EPHA5: variants seen among roughly 807,000 people sequenced by gnomAD.
The protein encoded by EPHA5 is ephrin type-A receptor 5.
EPHA5 carries 60 observed loss-of-function variants against 105.0 expected under a neutral mutation model. That is an observed-to-expected ratio of 0.57 (90% CI 0.46 to 0.71). EPHA5 has a LOEUF of 0.71. Among genes scored for constraint, EPHA5 ranks in the 30% least tolerant of loss-of-function variants. The pLI is 0.00. For missense variants in EPHA5, 1,218 were observed against 1,274.7 expected (o/e 0.96, Z 0.68); for synonymous variants, 513 against 449.1 (o/e 1.14, Z -1.80).
rs770690309 is a variant in EPHA5 at position 65,536,749 on chromosome 4, TA to T, written c.911-41207del. On this transcript the variant is annotated intron_variant, in intron 3 of 16. Coordinates refer to ENST00000613740, the MANE Select transcript of EPHA5 (RefSeq NM_001281766.3). Reference sequence around the variant, plus strand: ...TTTGAGTAAAAATAAATCTAAAATATAAAAAAAAAAAAATTCACTGTTCCTA... The same window carrying T: ...TTTGAGTAAAAATAAATCTAAAATATAAAAAAAAAAAATTCACTGTTCCTA... Among the ~76,000 whole-genome samples, 198 of 138,916 alleles carry T rather than the reference TA, an allele frequency of 1.4e-3. 1 individual carries two copies. Among genetic ancestry groups the T allele is most frequent in the East Asian group, 3.1e-3 (15 of 4,800 alleles). 91.1% of individuals were successfully genotyped at this position (138,916 alleles called of 152,430 possible). A position where few individuals can be genotyped will look rare whatever the true frequency, so the allele number is the denominator to read the frequency against.
At chr4:65,555,294 G>A (rs1738317435) in intron 3 of EPHA5, among the ~76,000 whole-genome samples, 1 of 151,928 alleles carries the variant, frequency 6.6e-6, no homozygotes, top group African/African-American at 2.4e-5. Context: ...CCCGAGGGCT[G>A]TATTTGGACA....
At chr4:65,578,020 A>G (rs1320369008) in intron 3 of EPHA5, among the ~76,000 whole-genome samples, 1 of 152,222 alleles carries the variant, frequency 6.6e-6, no homozygotes, top group Non-Finnish European at 1.5e-5. Context: ...AGTGAATACA[A>G]GTTAATTATA....
intron 5 of EPHA5, among the ~76,000 whole-genome samples, chr4:65,435,583 T>C (rs1725398771): frequency 1.3e-5 from 2 of 152,028 alleles, no homozygotes; most frequent in South Asian, 4.1e-4. Flanking sequence ...ACAAAGCACT[T>C]GTCTAGATGT....
intron 5 of EPHA5, among the ~76,000 whole-genome samples, chr4:65,477,952 T>A (rs4637457): frequency 1.1e-4 from 17 of 151,988 alleles, no homozygotes; most frequent in Non-Finnish European, 2.2e-4. Flanking sequence ...GGCAAGACTC[T>A]AAAGTCATTG....
intron 8 of EPHA5, among the ~76,000 whole-genome samples, chr4:65,386,567 A>G (rs1329304876): frequency 6.6e-6 from 1 of 152,008 alleles, no homozygotes. Context: ...CTTTCTCTCA[A>G]ACAATAACAG....
intron 8 of EPHA5, among the ~76,000 whole-genome samples, chr4:65,379,275 A>C (rs1333166681): frequency 2.9e-5 from 3 of 104,814 alleles, no homozygotes; most frequent in Non-Finnish European, 6.5e-5. Context: ...AAGTATGCAC[A>C]TACACACACA....
intron 11 of EPHA5, among the ~76,000 whole-genome samples, chr4:65,358,051 T>A (rs1020709740): frequency 1.3e-5 from 2 of 151,438 alleles, no homozygotes; most frequent in African/African-American, 4.8e-5. Flanking sequence ...AGCATAGACA[T>A]GGCCTGGGAA....
intron 7 of EPHA5, among the ~76,000 whole-genome samples, chr4:65,410,504 C>T (rs766847668): frequency 3.3e-5 from 5 of 152,028 alleles, no homozygotes; most frequent in Non-Finnish European, 7.4e-5. Flanking sequence ...GACTTGAGGT[C>T]GGTGGTAGAT....
At position 65,330,449 on chromosome 4, in the gene EPHA5, C is replaced by T. The variant is rs1003295585; in HGVS notation, c.2945+1524G>A. The T allele has an allele frequency of 5.8e-5, 12 of 206,984 alleles. 1 individual carries two copies. The South Asian group carries it at 1.7e-3, about 30-fold the overall frequency. The allele number at this position is 206,984 out of a possible 1,614,324, so 12.8% of individuals were successfully genotyped here. On this transcript the variant is annotated intron_variant, in intron 16 of 16. Transcript: ENST00000613740. ...ATAAGTAAAACACAAGTAGCTAATG[C>T]AAAAACTATAATTTGTAATTATAAC...
intron 3 of EPHA5, among the ~76,000 whole-genome samples, chr4:65,589,172 G>T (rs761872421): frequency 6.6e-6 from 1 of 151,978 alleles, no homozygotes; most frequent in Non-Finnish European, 1.5e-5. Flanking sequence ...CTCAGGGCCT[G>T]GTAATAAAGT....
At chr4:65,411,525 T>C (rs1033357190) in intron 7 of EPHA5, among the ~76,000 whole-genome samples, 3 of 152,174 alleles carry the variant, frequency 2.0e-5, no homozygotes, top group South Asian at 4.1e-4. Flanking sequence ...TATTCTTACA[T>C]ACCTGACTGA....
At chr4:65,407,792 G>A (rs1018924859) in intron 7 of EPHA5, among the ~76,000 whole-genome samples, 10 of 151,630 alleles carry the variant, frequency 6.6e-5, no homozygotes, top group African/African-American at 1.7e-4. Flanking sequence ...GTCTCACTTC[G>A]TCACCCAGGC....
intron 5 of EPHA5, among the ~76,000 whole-genome samples, chr4:65,485,080 A>G (rs545694570): frequency 6.6e-6 from 1 of 151,856 alleles, no homozygotes; most frequent in South Asian, 2.1e-4. Flanking sequence ...AAATAATTTT[A>G]TTCATTTTAT....
chr4:65,332,040 G>A lies in EPHA5; in HGVS notation c.2878C>T (p.Arg960Trp), dbSNP rs755988244. The A allele has an allele frequency of 2.1e-5, 34 of 1,611,674 alleles. 1 individual carries two copies. The highest frequency in any genetic ancestry group is 4.4e-5 in the South Asian group (4 of 91,006). Residue 960 changes from arginine to tryptophan, a missense_variant, in exon 16 of 17, where the codon CGG becomes TGG. Around this residue, in one of 3 missense-constraint regions of EPHA5, gnomAD observed 971 missense variants for 1,013.5 expected, o/e 0.96. Coordinates refer to ENST00000613740, the MANE Select transcript of EPHA5 (RefSeq NM_001281766.3). Reference protein sequence around the residue: ...GEWLEAIKMGRYTEIFMENGY... With the variant: ...GEWLEAIKMGWYTEIFMENGY... ...TTTTCCATGAAAATCTCTGTATACC[G>A]GCCCATCTTGATTGCCTCTAGCCAT...
At chr4:65,420,420 T>G in intron 6 of EPHA5, 21 bp downstream of exon 6, 1 of 1,546,580 alleles carries the variant, frequency 6.5e-7, no homozygotes, top group South Asian at 1.2e-5. Context: ...GTGAGGACAT[T>G]TTTTATTCTG....
At chr4:65,648,362 A>G (rs1748309375) in intron 1 of EPHA5, among the ~76,000 whole-genome samples, 1 of 152,192 alleles carries the variant, frequency 6.6e-6, no homozygotes, top group African/African-American at 2.4e-5. Flanking sequence ...TAGATTCTCC[A>G]GGAAATAGAC....
chr4:65,574,309 C>T (rs531247734), intron 3 of EPHA5: 4 of 1,539,042 alleles, frequency 2.6e-6, no homozygotes, highest in Non-Finnish European at 3.5e-6. Context: ...GGAATTTATC[C>T]TCACAAATTG....
chr4:65,669,510 C>A (rs1337508478), intron 1 of EPHA5, 52 bp downstream of exon 1: 24 of 1,315,662 alleles, frequency 1.8e-5, no homozygotes, highest in Non-Finnish European at 2.1e-5. Flanking sequence ...TCCCAGGCCC[C>A]GCCTAGCCCC....
At chr4:65,646,062 T>C (rs1748087336) in intron 1 of EPHA5, among the ~76,000 whole-genome samples, 1 of 152,160 alleles carries the variant, frequency 6.6e-6, no homozygotes, top group Admixed American at 6.6e-5. Flanking sequence ...AACTAAAATG[T>C]ATGTGCAAAT....
Sources: allele counts gnomAD v4.1 joint callset (sites outside exome capture counted in the v4.1 genomes callset), GRCh38; gene constraint gnomAD v4.1.1; regional missense constraint gnomAD v4.1.1; transcripts MANE v1.5; gene names NCBI Gene and HGNC (gene_info 2026-07-23, HGNC 2026-07-21).